Variants in FAAH2 observed in about 807,000 individuals in gnomAD.
The protein encoded by FAAH2 is fatty acid amide hydrolase 2.
FAAH2 carries 60 observed loss-of-function variants against 36.9 expected under a neutral mutation model. That is an observed-to-expected ratio of 1.63 (90% CI 1.32 to 2.02). The LOEUF (loss-of-function observed/expected upper bound fraction) is 2.02, where lower values mean the gene tolerates loss of function less well. Among genes scored for constraint, FAAH2 ranks in the 30% most tolerant of loss-of-function variants. The pLI, the probability that FAAH2 is intolerant of heterozygous loss-of-function variation, is 0.00. For missense variants in FAAH2, 689 were observed against 397.5 expected, an observed-to-expected ratio of 1.73 and a Z score of -6.23; for synonymous variants, 214 against 143.8, an observed-to-expected ratio of 1.49 and a Z score of -3.49.
chrX:57,393,536 C>A, intron 7 of FAAH2: 1 of 959,944 alleles, frequency 1.0e-6, no homozygotes, highest in South Asian at 1.9e-5. Flanking sequence ...GGCAAATGGG[C>A]CTGCATGGAC....
chrX:57,402,148 G>A (rs1406024146), intron 7 of FAAH2, among the ~76,000 whole-genome samples: 1 of 111,782 alleles, frequency 8.9e-6, no homozygotes, highest in Non-Finnish European at 1.9e-5. Context: ...TCTTGCCCAG[G>A]GCACCCTCAG....
chrX:57,199,070 A>T, the FAAH2 span, among the ~76,000 whole-genome samples: 1 of 106,904 alleles, frequency 9.4e-6, no homozygotes, highest in Admixed American at 1.0e-4. Flanking sequence ...GTGAGTCTCC[A>T]CACACTCTTC....
At chrX:57,241,160 G>T in the FAAH2 span, among the ~76,000 whole-genome samples, 1 of 111,994 alleles carries the variant, frequency 8.9e-6, no homozygotes, top group African/African-American at 3.2e-5. Context: ...GATTCTGGAG[G>T]TTTGTGGACT....
At chrX:57,482,411 C>T (rs777433009) in intron 10 of FAAH2, among the ~76,000 whole-genome samples, 2 of 111,797 alleles carry the variant, frequency 1.8e-5, no homozygotes, top group East Asian at 2.8e-4. Flanking sequence ...TTCTGATCTG[C>T]AGATTGTGAA....
chrX:57,177,273 A>C, the FAAH2 span, among the ~76,000 whole-genome samples: 1 of 108,642 alleles, frequency 9.2e-6, no homozygotes. Flanking sequence ...CCTCCCAATC[A>C]TCCTCTTGAC....
At chrX:57,377,880 G>A (rs191544081) in intron 5 of FAAH2, among the ~76,000 whole-genome samples, 12 of 111,538 alleles carry the variant, frequency 1.1e-4, no homozygotes, top group Non-Finnish European at 1.3e-4. Flanking sequence ...AGTTGTATTC[G>A]TAGATATTTT....
intron 3 of FAAH2, among the ~76,000 whole-genome samples, chrX:57,325,255 G>T (rs1000934027): frequency 4.3e-4 from 48 of 111,411 alleles, no homozygotes; most frequent in African/African-American, 1.5e-3. Flanking sequence ...ATTTTATTGA[G>T]GATTTTTGCA....
intron 7 of FAAH2, among the ~76,000 whole-genome samples, chrX:57,407,258 G>A (rs1241698379): frequency 8.9e-6 from 1 of 111,910 alleles, no homozygotes. Context: ...GGGCAAGATG[G>A]TGGCTTATAC....
chrX:57,401,317 C>T (rs1479879886), intron 7 of FAAH2, among the ~76,000 whole-genome samples: 1 of 111,029 alleles, frequency 9.0e-6, no homozygotes, highest in Non-Finnish European at 1.9e-5. Flanking sequence ...TGAGGTAAAA[C>T]AGTCCAGGTG....
At chrX:57,241,334 A>G in the FAAH2 span, among the ~76,000 whole-genome samples, 1 of 112,478 alleles carries the variant, frequency 8.9e-6, no homozygotes, top group Non-Finnish European at 1.9e-5. Context: ...CAACAAAAGC[A>G]AAAATCAGCA....
intron 7 of FAAH2, among the ~76,000 whole-genome samples, chrX:57,389,370 T>C (rs1376077753): frequency 2.8e-5 from 3 of 106,254 alleles, no homozygotes; most frequent in Non-Finnish European, 5.8e-5. Context: ...TATAGCTTTA[T>C]TTCATCCCCT....
intron 3 of FAAH2, among the ~76,000 whole-genome samples, chrX:57,327,756 T>C (rs1464025191): frequency 9.0e-6 from 1 of 111,383 alleles, no homozygotes; most frequent in East Asian, 2.8e-4. Flanking sequence ...CTTTTTCAAG[T>C]TTTTTTAACT....
intron 1 of FAAH2, among the ~76,000 whole-genome samples, chrX:57,289,577 T>C (rs1003161825): frequency 2.4e-4 from 27 of 111,272 alleles, no homozygotes; most frequent in Non-Finnish European, 4.0e-4. Context: ...AGAGGCTTCA[T>C]TGCATGATCT....
At chrX:57,427,590 G>C (rs774637243) in intron 7 of FAAH2, among the ~76,000 whole-genome samples, 1 of 111,548 alleles carries the variant, frequency 9.0e-6, no homozygotes, top group East Asian at 2.8e-4. Flanking sequence ...GAGATGAAAG[G>C]ATGGTTCAAC....
At chrX:57,122,317 C>G in the FAAH2 span, among the ~76,000 whole-genome samples, 1 of 111,394 alleles carries the variant, frequency 9.0e-6, no homozygotes, top group South Asian at 3.7e-4. Context: ...TTTCATTCAA[C>G]AAATATTTAT....
the FAAH2 span, among the ~76,000 whole-genome samples, chrX:57,179,985 T>C: frequency 1.5e-4 from 17 of 112,114 alleles, no homozygotes; most frequent in African/African-American, 4.9e-4. Flanking sequence ...TACAATTATA[T>C]GGAAATTAAA....
chrX:57,202,376 C>G, the FAAH2 span, among the ~76,000 whole-genome samples: 1 of 112,101 alleles, frequency 8.9e-6, no homozygotes, highest in African/African-American at 3.2e-5. Context: ...CACCATGAGT[C>G]TCACAGACTC....
the FAAH2 span, among the ~76,000 whole-genome samples, chrX:57,279,257 G>A: frequency 7.1e-5 from 8 of 112,526 alleles, no homozygotes; most frequent in African/African-American, 2.6e-4. Flanking sequence ...ATACACCATG[G>A]AATACTATGC....
Position 57,310,780 on chromosome X carries a change from A to C in FAAH2, c.412+51A>C, listed in dbSNP as rs762553125. On this transcript the variant is annotated intron_variant, in intron 3 of 10. Coordinates refer to ENST00000374900, the MANE Select transcript of FAAH2 (RefSeq NM_174912.4). Reference sequence around the variant, plus strand: ...ATGAGTTTAATTCACAAGTTGCTACATTTTCTAAACTTATAAACTAAAAAG... The same window carrying C: ...ATGAGTTTAATTCACAAGTTGCTACCTTTTCTAAACTTATAAACTAAAAAG... 1.1e-5 allele frequency: 12 copies of C among 1,132,518 alleles called. No homozygotes were observed. The East Asian group carries it at 2.5e-4, about 23-fold the overall frequency. The allele number at this position is 1,132,518 out of a possible 1,213,427, so 93.3% of individuals were successfully genotyped here. A position where few individuals can be genotyped will look rare whatever the true frequency, so the allele number is the denominator to read the frequency against.
Sources: gnomAD v4.1 joint callset for allele counts (sites outside exome capture counted in the v4.1 genomes callset) on GRCh38, gnomAD v4.1.1 for gene constraint, MANE v1.5 for transcripts, NCBI Gene and HGNC (gene_info 2026-07-23, HGNC 2026-07-21) for gene names.